Variants in CPQ observed in about 807,000 individuals in gnomAD.
The protein encoded by CPQ is carboxypeptidase Q.
Under a neutral mutation model 45.7 loss-of-function variants are expected in CPQ, and 37 were observed. The observed-to-expected ratio is 0.81, with a 90% CI of 0.62 to 1.07. CPQ has a LOEUF of 1.07. CPQ is among the 50% of genes least tolerant of loss of function. CPQ has a pLI of 0.00. For missense variants in CPQ, 537 were observed against 572.9 expected, an observed-to-expected ratio of 0.94 and a Z score of 0.64; for synonymous variants, 186 against 205.8, an observed-to-expected ratio of 0.90 and a Z score of 0.82.
At chr8:96,742,834 C>A (rs1357485158) in intron 1 of CPQ, among the ~76,000 whole-genome samples, 1 of 152,138 alleles carries the variant, frequency 6.6e-6, no homozygotes, top group African/African-American at 2.4e-5. Flanking sequence ...AGAGTTTCTG[C>A]CGAGAGATCT....
chr8:97,081,574 CACCTCTTACCAAGA>C (rs1810950532), intron 7 of CPQ, among the ~76,000 whole-genome samples: 1 of 152,172 alleles, frequency 6.6e-6, no homozygotes, highest in Non-Finnish European at 1.5e-5. Context: ...ATGCAGGTGG[CACCTCTTACCAAGA>C]ACCTCTTCAT....
At chr8:97,133,476 G>C (rs1373835532) in intron 7 of CPQ, 1 of 151,922 alleles carries the variant, frequency 6.6e-6, no homozygotes, top group African/African-American at 2.4e-5. Context: ...GGTGGGTGGT[G>C]GTAAAGTAAT....
In CPQ at chr8:96,880,010, G is replaced by A; in HGVS notation, c.849+5G>A. The A allele has an allele frequency of 6.2e-7, 1 of 1,611,312 alleles. No homozygotes were observed. Reference sequence around the variant, plus strand: ...GGGAGCAAATATCCAGAACAGGTGAGTGAAGGAGAAGGCTGGCCTAAGAAT... The same window carrying A: ...GGGAGCAAATATCCAGAACAGGTGAATGAAGGAGAAGGCTGGCCTAAGAAT... On this transcript the variant is annotated splice_donor_5th_base_variant and intron_variant, in intron 4 of 7. Transcript: ENST00000220763.
intron 1 of CPQ, among the ~76,000 whole-genome samples, chr8:96,709,023 G>C (rs1809571884): frequency 6.6e-6 from 1 of 151,894 alleles, no homozygotes; most frequent in African/African-American, 2.4e-5. Flanking sequence ...ATTCTCATTT[G>C]TTTATGAATC....
intron 7 of CPQ, among the ~76,000 whole-genome samples, chr8:97,101,159 G>A (rs950287775): frequency 5.9e-5 from 9 of 152,148 alleles, no homozygotes; most frequent in African/African-American, 2.2e-4. Flanking sequence ...GACAAACATT[G>A]ATTTAAGCCT....
intron 7 of CPQ, among the ~76,000 whole-genome samples, chr8:97,091,361 C>CTAGTTTGTACTGGCTAG (rs1811121684): frequency 1.3e-5 from 2 of 152,188 alleles, no homozygotes; most frequent in Non-Finnish European, 2.9e-5. Context: ...TTTTGACTGA[C>CTAGTTTGTACTGGCTAG]TTCAGTACAG....
At chr8:97,123,810 T>G (rs917079548) in intron 7 of CPQ, among the ~76,000 whole-genome samples, 1 of 152,148 alleles carries the variant, frequency 6.6e-6, no homozygotes, top group Non-Finnish European at 1.5e-5. Context: ...TAGATATAAA[T>G]GGATAGAAAA....
chr8:97,015,776 G>A (rs1358573532), intron 5 of CPQ, among the ~76,000 whole-genome samples: 1 of 152,020 alleles, frequency 6.6e-6, no homozygotes, highest in Non-Finnish European at 1.5e-5. Context: ...ATCCTTAAAT[G>A]CCCAATAATA....
chr8:97,128,495 G>A (rs1056927080), intron 7 of CPQ, among the ~76,000 whole-genome samples: 15 of 152,158 alleles, frequency 9.9e-5, no homozygotes, highest in African/African-American at 3.6e-4. Flanking sequence ...GACCAGCCTG[G>A]CCAACTCGGT....
At chr8:96,663,240 GGC>G (rs1808865716) in intron 1 of CPQ, among the ~76,000 whole-genome samples, 1 of 152,200 alleles carries the variant, frequency 6.6e-6, no homozygotes, top group Non-Finnish European at 1.5e-5. Flanking sequence ...AATAATGGGA[GGC>G]TGTGTGCTGG....
intron 7 of CPQ, among the ~76,000 whole-genome samples, chr8:97,122,395 C>CA (rs372322401): frequency 4.5e-4 from 69 of 152,078 alleles, no homozygotes; most frequent in East Asian, 2.3e-3. Flanking sequence ...AGTGCGTGAA[C>CA]AAAAATCTGC....
intron 1 of CPQ, among the ~76,000 whole-genome samples, chr8:96,739,869 G>A (rs1460042540): frequency 6.6e-6 from 1 of 152,030 alleles, no homozygotes; most frequent in Non-Finnish European, 1.5e-5. Flanking sequence ...CTGTAGCCTA[G>A]TAGTATAGTT....
chr8:96,916,882 G>A (rs1276652488), intron 4 of CPQ, among the ~76,000 whole-genome samples: 1 of 152,090 alleles, frequency 6.6e-6, no homozygotes, highest in Non-Finnish European at 1.5e-5. Context: ...GTTTAGACTG[G>A]GGTAATGTGT....
chr8:96,932,872 G>C (rs932032882), intron 4 of CPQ, among the ~76,000 whole-genome samples: 16 of 152,172 alleles, frequency 1.1e-4, no homozygotes, highest in Non-Finnish European at 4.4e-5. Flanking sequence ...ATGTCTGCAT[G>C]AGTGAGTAGA....
intron 5 of CPQ, among the ~76,000 whole-genome samples, chr8:97,012,434 T>C (rs75772508): frequency 0.029 from 4,436 of 152,208 alleles, 138 homozygotes; most frequent in African/African-American, 0.078. Context: ...GGAAAAAAAT[T>C]TAATAGATTG....
intron 4 of CPQ, among the ~76,000 whole-genome samples, chr8:96,953,750 G>A (rs1186524355): frequency 6.6e-6 from 1 of 152,100 alleles, no homozygotes; most frequent in Non-Finnish European, 1.5e-5. Flanking sequence ...CCATGACTGA[G>A]ATACTGTTAG....
intron 1 of CPQ, among the ~76,000 whole-genome samples, chr8:96,767,649 T>TC (rs1444811129): frequency 1.5e-5 from 2 of 135,790 alleles, no homozygotes; most frequent in African/African-American, 5.6e-5. Context: ...TTTTTTTTTT[T>TC]TTTTTTTTTT....
intron 5 of CPQ, among the ~76,000 whole-genome samples, chr8:96,980,061 A>G (rs527244994): frequency 6.6e-4 from 100 of 152,250 alleles, no homozygotes; most frequent in African/African-American, 2.4e-3. Flanking sequence ...TCTATGTTAG[A>G]ACATCTTGGA....
chr8:96,903,520 C>T (rs1812539126), intron 4 of CPQ, among the ~76,000 whole-genome samples: 1 of 152,170 alleles, frequency 6.6e-6, no homozygotes. Flanking sequence ...CTATTTACTG[C>T]CTGTTATGCC....
Sources: gnomAD v4.1 joint callset for allele counts (sites outside exome capture counted in the v4.1 genomes callset) on GRCh38, gnomAD v4.1.1 for gene constraint, MANE v1.5 for transcripts, NCBI Gene and HGNC (gene_info 2026-07-23, HGNC 2026-07-21) for gene names.